The following PLEKHH2 variants were observed in gnomAD, a reference collection of about 807,000 sequenced individuals.
The protein encoded by PLEKHH2 is pleckstrin homology domain-containing family H member 2.
In PLEKHH2, 129 loss-of-function variants were observed where a neutral mutation model predicts 187.9. The ratio of observed to expected loss-of-function variants is 0.69; its 90% CI spans 0.59 to 0.79. The LOEUF is 0.79. Among genes scored for constraint, PLEKHH2 ranks in the 30% least tolerant of loss-of-function variants. The pLI is 0.00. For missense variants in PLEKHH2, 2,076 were observed against 1,751.2 expected (o/e 1.19, Z -3.31); for synonymous variants, 686 against 605.6 (o/e 1.13, Z -1.95).
rs1294657630 is a variant in PLEKHH2 at position 43,712,518 on chromosome 2, A to C, written c.2460+135A>C. On this transcript the variant is annotated intron_variant, in intron 15 of 29. Transcript: ENST00000282406. ...TTGGGGATAGGAAAGGGTGTTTTTA[A>C]GTATGATGCCCAAGGCAAAAACTAT... 3 of 1,040,712 alleles carry C rather than the reference A, an allele frequency of 2.9e-6. No homozygotes were observed. The African/African-American group carries it at 5.1e-5, about 18-fold the overall frequency. 64.5% of individuals were successfully genotyped at this position (1,040,712 alleles called of 1,614,324 possible).
rs6719084 is a variant in PLEKHH2, at chr2:43,758,299, C to A, written c.3942-601C>A. ...ACAGAGTCTTGCTCTGCCACCCAGGCTGTAGTGCAATGGGGTGATCTCGGC... is the reference window on the plus strand; with the variant it reads ...ACAGAGTCTTGCTCTGCCACCCAGGATGTAGTGCAATGGGGTGATCTCGGC... On this transcript the variant is annotated intron_variant, in intron 26 of 29. Transcript: ENST00000282406. Among the ~76,000 whole-genome samples the A allele has an allele frequency of 7.3e-3, 1,113 of 152,292 alleles. 15 individuals carry two copies. The highest frequency in any genetic ancestry group is 0.025 in the African/African-American group (1,047 of 41,560).
chr2:43,764,507 G>A (rs981562466), intron 29 of PLEKHH2, 142 bp downstream of exon 29: 10 of 810,246 alleles, frequency 1.2e-5, no homozygotes, highest in Non-Finnish European at 1.5e-5. Flanking sequence ...GAAAACAGAC[G>A]TTATTTATAG....
At chr2:43,723,758 T>C (rs1670604349) in intron 16 of PLEKHH2, among the ~76,000 whole-genome samples, 1 of 152,188 alleles carries the variant, frequency 6.6e-6, no homozygotes, top group African/African-American at 2.4e-5. Context: ...CCTTCAGCTT[T>C]TGCTCTGAGT....
chr2:43,711,137 G>A (rs1669943607), intron 14 of PLEKHH2: 7 of 985,620 alleles, frequency 7.1e-6, no homozygotes, highest in African/African-American at 1.7e-5. Context: ...TTAAAACACA[G>A]GCTGTTGAGA....
At position 43,740,295 on chromosome 2, in the gene PLEKHH2, A is replaced by T. The variant is rs544242678; in HGVS notation, c.3124-651A>T. Reference sequence around the variant, plus strand: ...TTTATAGGATAAAGAAATTAAAAAAATTTTTTTGTTGTTTGAAGACTTTTT... The same window carrying T: ...TTTATAGGATAAAGAAATTAAAAAATTTTTTTTGTTGTTTGAAGACTTTTT... On this transcript the variant is annotated intron_variant, in intron 20 of 29. Transcript: ENST00000282406. 2.7e-3 allele frequency among the ~76,000 whole-genome samples: 412 copies of T among 152,272 alleles called. 3 individuals are homozygous for T. The highest frequency in any genetic ancestry group is 9.5e-3 in the African/African-American group (396 of 41,552).
Position 43,699,776 on chromosome 2 carries a change from G to A in PLEKHH2, c.818G>A (p.Gly273Asp). The change falls in exon 8 of 30, where the codon GGT becomes GAT. Residue 273 changes from glycine to aspartate, a missense_variant. By Grantham distance (94) the Gly-to-Asp change is moderately conservative. Coordinates refer to ENST00000282406, the MANE Select transcript of PLEKHH2 (RefSeq NM_172069.4). The part of the protein sequence containing the change: ...RKTRTSFATD[G>D]GISQNSGAPV... ...ACAAGAACAAGCTTTGCCACAGATG[G>A]TGGCATCTCCCAGAATTCTGGGGCT... is the stretch of plus-strand genomic sequence containing the variant. The A allele has an allele frequency of 6.2e-7, 1 of 1,614,186 alleles. No homozygotes were observed. The highest frequency in any genetic ancestry group is 8.5e-7 in the Non-Finnish European group (1 of 1,180,036).
At chr2:43,748,575 G>T (rs768859588) in intron 24 of PLEKHH2, among the ~76,000 whole-genome samples, 10 of 152,196 alleles carry the variant, frequency 6.6e-5, no homozygotes, top group Non-Finnish European at 1.3e-4. Flanking sequence ...AATTTCCGGG[G>T]GTGGAGCCCA....
rs770129080 is a variant in PLEKHH2, at chr2:43,726,442, G to A, written c.2712G>A (p.Lys904=). Reference sequence around the variant, plus strand: ...CAACTTACCTCCTAATTGGATCCAAGCATGAAAAGGTATTCAAAGACTTAT... The same window carrying A: ...CAACTTACCTCCTAATTGGATCCAAACATGAAAAGGTATTCAAAGACTTAT... The part of the protein sequence containing the change: ...QGPTYLLIGS[K]HEKDTWLYHL... The change falls in exon 17 of 30, where the codon AAG becomes AAA. Residue 904 remains lysine, a synonymous_variant. Coordinates refer to ENST00000282406, the MANE Select transcript of PLEKHH2 (RefSeq NM_172069.4). 2 of 1,602,222 alleles carry A rather than the reference G, an allele frequency of 1.2e-6. No individual in the cohort carries two copies. Among genetic ancestry groups the A allele is most frequent in the Admixed American group, 3.3e-5 (2 of 59,924 alleles).
rs1212873469 is a variant in PLEKHH2, at chr2:43,710,082, A to C, written c.2059A>C (p.Lys687Gln). The change falls in exon 12 of 30, where the codon AAG (lysine) becomes CAG (glutamine). Residue 687 changes from lysine (K) to glutamine (Q), a missense_variant. By Grantham distance (53) the Lys-to-Gln change is moderately conservative. Transcript: ENST00000282406. ...CACGGAGTACTCACAGCCAGAGCAG[A>C]AGCTCCCAAAAACTTGCTCATCTTC... ...TDTEYSQPEQ[K>Q]LPKTCSSSSD... 54 of 1,613,338 alleles carry C rather than the reference A, an allele frequency of 3.3e-5. No homozygotes were observed. The highest frequency in any genetic ancestry group is 4.6e-5 in the Non-Finnish European group (54 of 1,179,772).
At chr2:43,677,692 C>G (rs953449080) in intron 2 of PLEKHH2, among the ~76,000 whole-genome samples, 3 of 151,876 alleles carry the variant, frequency 2.0e-5, no homozygotes, top group African/African-American at 7.3e-5. Flanking sequence ...TCATCATGGC[C>G]CGTTCTCAAT....
chr2:43,756,219 A>T (rs1672205497), intron 25 of PLEKHH2, among the ~76,000 whole-genome samples: 1 of 148,554 alleles, frequency 6.7e-6, no homozygotes, highest in Admixed American at 6.6e-5. Context: ...GGAACAAAGT[A>T]ATGAGAATAT....
chr2:43,658,129 T>G (rs1666884158), intron 2 of PLEKHH2, among the ~76,000 whole-genome samples: 1 of 152,200 alleles, frequency 6.6e-6, no homozygotes, highest in Admixed American at 6.5e-5. Flanking sequence ...ATATAGGCCT[T>G]AGGCAATTAT....
At chr2:43,712,135 A>G in intron 14 of PLEKHH2, 90 bp from the exon 15 acceptor site, 1 of 1,478,604 alleles carries the variant, frequency 6.8e-7, no homozygotes, top group Non-Finnish European at 9.3e-7. Context: ...TTCTGTGTTA[A>G]GTAATGACGT....
chr2:43,700,754 G>C, intron 8 of PLEKHH2, 146 bp downstream of exon 8: 5 of 1,069,658 alleles, frequency 4.7e-6, no homozygotes, highest in Non-Finnish European at 6.7e-6. Flanking sequence ...CCGGGTTCAA[G>C]TGATTCTCCT....
intron 29 of PLEKHH2, 25 bp downstream of exon 29, chr2:43,764,390 T>A: frequency 6.8e-6 from 11 of 1,606,832 alleles, no homozygotes; most frequent in South Asian, 1.1e-5. Flanking sequence ...TTCTGCCAAC[T>A]TTTTTGTCCT....
chr2:43,683,373 A>T (rs1334130454), intron 3 of PLEKHH2, among the ~76,000 whole-genome samples: 1 of 151,870 alleles, frequency 6.6e-6, no homozygotes, highest in Non-Finnish European at 1.5e-5. Context: ...TCCTGATTTC[A>T]GGTGATCCGC....
chr2:43,764,572 C>G (rs1338504438), intron 29 of PLEKHH2, among the ~76,000 whole-genome samples: 1 of 152,068 alleles, frequency 6.6e-6, no homozygotes, highest in African/African-American at 2.4e-5. Flanking sequence ...GTTTCTTTGT[C>G]TAAAAATATG....
At chr2:43,710,909 G>A in intron 14 of PLEKHH2, 3 of 1,076,932 alleles carry the variant, frequency 2.8e-6, no homozygotes, top group Non-Finnish European at 3.4e-6. Context: ...TCAATAAGAT[G>A]TTAGTTATAT....
At chr2:43,688,247 G>T (rs1291057061) in intron 3 of PLEKHH2, among the ~76,000 whole-genome samples, 1 of 152,138 alleles carries the variant, frequency 6.6e-6, no homozygotes, top group Admixed American at 6.5e-5. Context: ...CTAATATCCA[G>T]AATCTATAAG....
Sources: gnomAD v4.1 joint callset for allele counts (sites outside exome capture counted in the v4.1 genomes callset) on GRCh38, gnomAD v4.1.1 for gene constraint, MANE v1.5 for transcripts, NCBI Gene and HGNC (gene_info 2026-07-23, HGNC 2026-07-21) for gene names.